OR3A2: variants seen among roughly 807,000 people sequenced by gnomAD.
OR3A2 encodes olfactory receptor 3A2.
For missense variants in OR3A2, 318 were observed against 392.8 expected (o/e 0.81, Z 1.61); for synonymous variants, 126 against 159.3 (o/e 0.79, Z 1.57).
chr17:3,292,158 G>A lies in OR3A2; in HGVS notation c.-84-13005C>T, dbSNP rs1464490792. 12 of 1,614,158 alleles carry A rather than the reference G, an allele frequency of 7.4e-6. No homozygotes were observed. Among genetic ancestry groups the A allele is most frequent in the East Asian group, 4.5e-5 (2 of 44,874 alleles). ...CGCAGCCACCAACATCCTCTGGACT[G>A]TCTGACTCATGCGGGTGCTGTAGGT... is the stretch of plus-strand genomic sequence containing the variant. On this transcript the variant is annotated intron_variant, in intron 3 of 4. Transcript: ENST00000573491.
intron 3 of OR3A2, among the ~76,000 whole-genome samples, chr17:3,332,797 A>T (rs943245711): frequency 6.6e-6 from 1 of 152,244 alleles, no homozygotes; most frequent in Admixed American, 6.5e-5. Flanking sequence ...ATCAGTTCCC[A>T]AATAATACTC....
chr17:3,279,554 GAGGCCA>G (rs2048764809), intron 1 of OR3A2, among the ~76,000 whole-genome samples: 2 of 152,342 alleles, frequency 1.3e-5, no homozygotes, highest in African/African-American at 4.8e-5. Flanking sequence ...AGCAGTTTGG[GAGGCCA>G]AGGCGGGTGC....
chr17:3,332,706 CG>C (rs2049247981), intron 3 of OR3A2, among the ~76,000 whole-genome samples: 2 of 152,206 alleles, frequency 1.3e-5, no homozygotes, highest in African/African-American at 4.8e-5. Flanking sequence ...TGTTCCTATT[CG>C]GCCATCTTGG....
At chr17:3,378,519 C>T (rs1045096659) in intron 2 of OR3A2, among the ~76,000 whole-genome samples, 6 of 152,124 alleles carry the variant, frequency 3.9e-5, no homozygotes, top group Non-Finnish European at 7.4e-5. Flanking sequence ...CACGGCTGGG[C>T]AGCTGCAGCT....
At chr17:3,331,319 T>G (rs2049231295) in intron 3 of OR3A2, among the ~76,000 whole-genome samples, 1 of 152,262 alleles carries the variant, frequency 6.6e-6, no homozygotes, top group South Asian at 2.1e-4. Flanking sequence ...TTTTCCAACT[T>G]GGTTCCATTC....
In OR3A2 at chr17:3,338,047, G is replaced by A. The variant is rs553705608; in HGVS notation, c.-178-1921C>T. 1.5e-4 allele frequency among the ~76,000 whole-genome samples: 23 copies of A among 152,264 alleles called. No individual in the cohort carries two copies. In the South Asian group the frequency reaches 2.1e-3, roughly 14 times the overall value. ...CCAGTGATGATGAACATTTTTTCAC[G>A]TGCTGTTGGCTGCATAAATGTCTTC... is the stretch of plus-strand genomic sequence containing the variant. On this transcript the variant is annotated intron_variant, in intron 2 of 4. Coordinates refer to the OR3A2 transcript ENST00000573491.
intron 2 of OR3A2, among the ~76,000 whole-genome samples, chr17:3,354,228 A>G (rs1309386750): frequency 1.4e-5 from 2 of 147,540 alleles, no homozygotes; most frequent in African/African-American, 5.3e-5. Context: ...CTCCTCCTCT[A>G]TTTTTTGGAA....
chr17:3,367,607 AT>A (rs1489152216), intron 2 of OR3A2, among the ~76,000 whole-genome samples: 2 of 125,784 alleles, frequency 1.6e-5, no homozygotes, highest in African/African-American at 7.2e-5. Context: ...GTGTGTATAT[AT>A]ATATATATAT....
At chr17:3,383,208 A>G (rs773594168) in intron 2 of OR3A2, among the ~76,000 whole-genome samples, 2 of 152,210 alleles carry the variant, frequency 1.3e-5, no homozygotes, top group Non-Finnish European at 2.9e-5. Flanking sequence ...TGAGGCCAAA[A>G]TTGGAATCAT....
chr17:3,325,265 A>AGTG (rs2049162211), intron 3 of OR3A2, among the ~76,000 whole-genome samples: 1 of 135,622 alleles, frequency 7.4e-6, no homozygotes, highest in Non-Finnish European at 1.5e-5. Context: ...CTGGGAGTGC[A>AGTG]GTGGTGCAAT....
chr17:3,347,885 T>A (rs1192736396), intron 2 of OR3A2, among the ~76,000 whole-genome samples: 1 of 152,206 alleles, frequency 6.6e-6, no homozygotes, highest in Non-Finnish European at 1.5e-5. Context: ...TTCCTATTTC[T>A]CCACATCCTC....
chr17:3,350,462 A>G (rs1197795857), intron 2 of OR3A2, among the ~76,000 whole-genome samples: 3 of 151,722 alleles, frequency 2.0e-5, no homozygotes, highest in Admixed American at 6.6e-5. Flanking sequence ...CGACACATAC[A>G]CTCTCCCAAG....
chr17:3,345,134 C>T (rs372923500), intron 2 of OR3A2, among the ~76,000 whole-genome samples: 1 of 152,208 alleles, frequency 6.6e-6, no homozygotes, highest in East Asian at 1.9e-4. Flanking sequence ...GAAGGTACCA[C>T]GATGCTGATG....
intron 1 of OR3A2, among the ~76,000 whole-genome samples, chr17:3,280,972 C>T (rs544557142): frequency 8.5e-5 from 13 of 152,122 alleles, no homozygotes; most frequent in Admixed American, 1.3e-4. Flanking sequence ...AGAAGCCATC[C>T]GGGCAGGCTG....
At chr17:3,276,288 T>A (rs2150613636), downstream of OR3A2, among the ~76,000 whole-genome samples, 1 of 152,234 alleles carries the variant, frequency 6.6e-6, no homozygotes, top group Non-Finnish European at 1.5e-5. Context: ...TGTAAAAGAT[T>A]GTATGGCACA....
Position 3,291,978 on chromosome 17 carries a change from A to C in OR3A2, c.-84-12825T>G, listed in dbSNP as rs1355126782. ...TGCCATTATAAAACCCACAGCAAAA[A>C]GCAGCAGCTCATTGAGTTGGGTGCT... On this transcript the variant is annotated intron_variant, in intron 3 of 4. Transcript: ENST00000573491. 9 of 1,614,228 alleles carry C rather than the reference A, an allele frequency of 5.6e-6. No individual in the cohort carries two copies. In the Middle Eastern group the frequency reaches 4.9e-4, roughly 89 times the overall value.
At chr17:3,278,318 C>G (rs745965817) in exon 2 of OR3A2, 3 of 1,614,082 alleles carry the variant, frequency 1.9e-6, no homozygotes, top group South Asian at 1.1e-5. Flanking sequence ...CAAAGAGCAG[C>G]AGCTCATTGA....
At chr17:3,380,905 G>T (rs528454894) in intron 2 of OR3A2, among the ~76,000 whole-genome samples, 1 of 152,314 alleles carries the variant, frequency 6.6e-6, no homozygotes, top group East Asian at 1.9e-4. Context: ...ACCGGTATGT[G>T]GATGTTTGCG....
intron 3 of OR3A2, among the ~76,000 whole-genome samples, chr17:3,330,401 T>C (rs1014039528): frequency 2.7e-5 from 4 of 150,758 alleles, no homozygotes; most frequent in African/African-American, 9.9e-5. Flanking sequence ...TGCTCCTGTA[T>C]TGGGTACATA....
Sources: allele counts gnomAD v4.1 joint callset (sites outside exome capture counted in the v4.1 genomes callset), GRCh38; gene constraint gnomAD v4.1.1; transcripts MANE v1.5; gene names NCBI Gene and HGNC (gene_info 2026-07-23, HGNC 2026-07-21).